STARD13: variants seen among roughly 807,000 people sequenced by gnomAD.
STARD13 encodes the protein StAR related lipid transfer domain containing 13, also known as stAR-related lipid transfer protein 13.
STARD13 carries 62 observed loss-of-function variants against 106.4 expected under a neutral mutation model. The ratio of observed to expected loss-of-function variants is 0.58; its 90% CI spans 0.48 to 0.72. The LOEUF (loss-of-function observed/expected upper bound fraction) is 0.72. Among genes scored for constraint, STARD13 ranks in the 30% least tolerant of loss-of-function variants. STARD13 has a pLI of 0.00. For synonymous variants in STARD13, 565 were observed against 553.0 expected, an observed-to-expected ratio of 1.02 and a Z score of -0.31; for missense variants, 1,387 against 1,424.0, an observed-to-expected ratio of 0.97 and a Z score of 0.42.
exon 2 of STARD13, chr13:33,348,947 T>C (rs2138619205): frequency 1.7e-6 from 1 of 575,004 alleles, no homozygotes; most frequent in South Asian, 2.1e-5. Context: ...AGCTTGCTAG[T>C]GACCTTCTCT....
chr13:33,368,543 C>A, the STARD13 span, among the ~76,000 whole-genome samples: 2 of 152,170 alleles, frequency 1.3e-5, no homozygotes, highest in East Asian at 1.9e-4. Flanking sequence ...GCAGCAGCAG[C>A]AGCAGCACCA....
At chr13:33,164,405 G>A (rs1050810892) in intron 3 of STARD13, 3 of 152,050 alleles carry the variant, frequency 2.0e-5, no homozygotes, top group African/African-American at 7.3e-5. Flanking sequence ...CCTTATTTAT[G>A]TCAAATGCAG....
chr13:33,205,274 A>C (rs1887335852), intron 1 of STARD13, among the ~76,000 whole-genome samples: 1 of 152,256 alleles, frequency 6.6e-6, no homozygotes, highest in Non-Finnish European at 1.5e-5. Flanking sequence ...GATAAACTAC[A>C]GAAGATCCAG....
the STARD13 span, among the ~76,000 whole-genome samples, chr13:33,390,889 A>G: frequency 1.3e-5 from 2 of 152,116 alleles, no homozygotes; most frequent in African/African-American, 2.4e-5. Flanking sequence ...AAGTTTATAT[A>G]TCATATTTTC....
intron 1 of STARD13, among the ~76,000 whole-genome samples, chr13:33,295,081 C>T (rs555049343): frequency 3.3e-5 from 5 of 152,086 alleles, no homozygotes; most frequent in East Asian, 1.9e-4. Context: ...GGAATAAAGG[C>T]GCGGGAGGAA....
chr13:33,251,100 T>G (rs1890074160), intron 1 of STARD13, among the ~76,000 whole-genome samples: 1 of 152,186 alleles, frequency 6.6e-6, no homozygotes, highest in South Asian at 2.1e-4. Flanking sequence ...CTAAGATGCC[T>G]GAGTTGTAAG....
chr13:33,288,618 TA>T (rs1237783576), upstream of STARD13, among the ~76,000 whole-genome samples: 1,928 of 142,502 alleles, frequency 0.014, 36 homozygotes, highest in African/African-American at 0.044. Flanking sequence ...ATTCCCTAAT[TA>T]AAAAAAAAAA....
At chr13:33,475,789 C>T in the STARD13 span, among the ~76,000 whole-genome samples, 3 of 151,976 alleles carry the variant, frequency 2.0e-5, no homozygotes, top group Admixed American at 2.0e-4. Flanking sequence ...AACCCCGTTT[C>T]TACTAAAAAT....
chr13:33,185,298 C>T (rs1213157588), intron 1 of STARD13, among the ~76,000 whole-genome samples: 2 of 152,162 alleles, frequency 1.3e-5, no homozygotes, highest in Non-Finnish European at 1.5e-5. Flanking sequence ...CTCAGCAACA[C>T]GAAGTGCTGG....
At chr13:33,453,588 G>A in the STARD13 span, among the ~76,000 whole-genome samples, 5,324 of 152,238 alleles carry the variant, frequency 0.035, 296 homozygotes, top group African/African-American at 0.12. Context: ...AATAAGAGAT[G>A]AAGTATATGA....
chr13:33,587,234 T>C, the STARD13 span, among the ~76,000 whole-genome samples: 3 of 141,388 alleles, frequency 2.1e-5, no homozygotes, highest in South Asian at 6.5e-4. Flanking sequence ...AAAAAAAAAA[T>C]TCTCTTAGTT....
chr13:33,651,959 A>C, the STARD13 span, among the ~76,000 whole-genome samples: 1 of 152,332 alleles, frequency 6.6e-6, no homozygotes, highest in East Asian at 1.9e-4. Flanking sequence ...GGCGAATATC[A>C]ACAAGTGACT....
At chr13:33,316,844 G>A (rs1170633593) in intron 1 of STARD13, among the ~76,000 whole-genome samples, 1 of 152,098 alleles carries the variant, frequency 6.6e-6, no homozygotes, top group African/African-American at 2.4e-5. Context: ...CACCACTCCT[G>A]TGCAACCACA....
At chr13:33,116,022 G>T (rs1340851338) in intron 8 of STARD13, among the ~76,000 whole-genome samples, 1 of 152,222 alleles carries the variant, frequency 6.6e-6, no homozygotes, top group African/African-American at 2.4e-5. Context: ...TGTCTTTACA[G>T]CTGAGAACAC....
At chr13:33,533,245 A>C in the STARD13 span, among the ~76,000 whole-genome samples, 4 of 152,360 alleles carry the variant, frequency 2.6e-5, no homozygotes, top group Admixed American at 6.5e-5. Flanking sequence ...TGTAGGTAGC[A>C]GACTGGGTGA....
intron 3 of STARD13, among the ~76,000 whole-genome samples, chr13:33,162,081 C>T (rs564951659): frequency 6.6e-6 from 1 of 152,194 alleles, no homozygotes; most frequent in Non-Finnish European, 1.5e-5. Flanking sequence ...TATCATTCCA[C>T]CTCTTGCTCC....
At chr13:33,496,213 A>G in the STARD13 span, among the ~76,000 whole-genome samples, 2 of 146,408 alleles carry the variant, frequency 1.4e-5, 1 homozygote, top group South Asian at 4.2e-4. Context: ...TTTCTAATGT[A>G]AACATAATAT....
the STARD13 span, among the ~76,000 whole-genome samples, chr13:33,649,082 T>C: frequency 1.3e-5 from 2 of 152,136 alleles, no homozygotes; most frequent in African/African-American, 4.8e-5. Context: ...CATGAGCCAC[T>C]GCGCCCAGCC....
the STARD13 span, among the ~76,000 whole-genome samples, chr13:33,574,804 C>A: frequency 6.6e-6 from 1 of 151,924 alleles, no homozygotes; most frequent in East Asian, 1.9e-4. Flanking sequence ...AAATGTGTTC[C>A]CCAACTTGCT....
Sources: allele counts gnomAD v4.1 joint callset (sites outside exome capture counted in the v4.1 genomes callset), GRCh38; gene constraint gnomAD v4.1.1; transcripts MANE v1.5; gene names NCBI Gene and HGNC (gene_info 2026-07-23, HGNC 2026-07-21).